SLC16A7: variants seen among roughly 807,000 people sequenced by gnomAD.
SLC16A7 encodes the protein solute carrier family 16 member 7.
A neutral mutation model predicts 34.9 loss-of-function variants in SLC16A7; 33 were observed. The ratio of observed to expected loss-of-function variants is 0.94; its 90% CI spans 0.72 to 1.26. The LOEUF (loss-of-function observed/expected upper bound fraction) is 1.26, where lower values mean the gene tolerates loss of function less well. Among genes scored for constraint, SLC16A7 ranks in the 50% most tolerant of loss-of-function variants. The probability of loss-of-function intolerance (pLI) is 0.00; values close to 1 mark genes in which losing one functional copy is unlikely to be tolerated. For missense variants in SLC16A7, 573 were observed against 578.1 expected (o/e 0.99, Z 0.09); for synonymous variants, 201 against 206.6 (o/e 0.97, Z 0.23).
In SLC16A7 at chr12:59,698,893, C is replaced by T. The variant is rs149661291; in HGVS notation, c.-30-5879C>T. ...CGATTGTGAAAATATTTAGCAATAC[C>T]TAATGAGTTAGAAGTTGTTTTCTTT... On this transcript the variant is annotated intron_variant, in intron 2 of 5. Transcript: ENST00000547379. Among the ~76,000 whole-genome samples the T allele has an allele frequency of 1.4e-3, 214 of 151,664 alleles. 1 individual carries two copies. Among genetic ancestry groups the T allele is most frequent in the Middle Eastern group, 6.8e-3 (2 of 292 alleles).
intron 3 of SLC16A7, among the ~76,000 whole-genome samples, chr12:59,721,690 C>T (rs540128974): frequency 2.4e-3 from 370 of 151,964 alleles, no homozygotes; most frequent in African/African-American, 8.1e-3. Flanking sequence ...TCTTGTACCC[C>T]TCATCTGAAA....
intron 5 of SLC16A7, among the ~76,000 whole-genome samples, chr12:59,775,983 C>G (rs1882720751): frequency 6.6e-6 from 1 of 152,004 alleles, no homozygotes; most frequent in Admixed American, 6.6e-5. Context: ...TGTATCTATT[C>G]CATATAGAGA....
intron 3 of SLC16A7, among the ~76,000 whole-genome samples, chr12:59,732,398 C>T (rs372592044): frequency 2.0e-5 from 3 of 151,980 alleles, no homozygotes; most frequent in South Asian, 4.2e-4. Context: ...CCAGCCTGGG[C>T]GACAAGAGCA....
chr12:59,612,321 T>G (rs1231762852), intron 1 of SLC16A7, among the ~76,000 whole-genome samples: 1 of 152,164 alleles, frequency 6.6e-6, no homozygotes, highest in African/African-American at 2.4e-5. Flanking sequence ...AAGCAGTGGC[T>G]TGAGCTGTAA....
chr12:59,727,149 GAC>G (rs1330700271), intron 3 of SLC16A7, among the ~76,000 whole-genome samples: 1 of 109,716 alleles, frequency 9.1e-6, no homozygotes, highest in African/African-American at 4.7e-5. Context: ...ATATGAGATG[GAC>G]ATATATATAT....
In SLC16A7 at chr12:59,775,389, T is replaced by C. The variant is rs750152093; in HGVS notation, c.1094T>C (p.Leu365Pro). The C allele has an allele frequency of 1.5e-5, 24 of 1,614,144 alleles. No individual in the cohort carries two copies. Among genetic ancestry groups the C allele is most frequent in the Non-Finnish European group, 2.0e-5 (24 of 1,179,990 alleles). ...SSVLFETLMD[L>P]VGAPRFSSAV... ...GTTCTCTTTGAAACTCTCATGGACC[T>C]CGTGGGTGCACCAAGATTTTCCAGT... Residue 365 changes from leucine to proline, a missense_variant, in exon 5 of 6, where the codon CTC becomes CCC. Transcript: ENST00000547379.
At chr12:59,618,582 G>A (rs1280271805) in intron 1 of SLC16A7, among the ~76,000 whole-genome samples, 2 of 150,656 alleles carry the variant, frequency 1.3e-5, no homozygotes, top group Admixed American at 6.6e-5. Context: ...TAAATATTAT[G>A]GGAAACTAAT....
intron 1 of SLC16A7, among the ~76,000 whole-genome samples, chr12:59,635,301 G>A (rs1316161887): frequency 6.6e-6 from 1 of 151,974 alleles, no homozygotes; most frequent in Non-Finnish European, 1.5e-5. Flanking sequence ...ATTGGAGCTT[G>A]AATTTCTGCC....
intron 3 of SLC16A7, among the ~76,000 whole-genome samples, chr12:59,717,380 A>G (rs553551395): frequency 1.3e-5 from 2 of 152,068 alleles, no homozygotes; most frequent in Non-Finnish European, 2.9e-5. Flanking sequence ...AAATGTATGT[A>G]AAATATCTAC....
At chr12:59,614,532 T>A (rs1046733191) in intron 1 of SLC16A7, among the ~76,000 whole-genome samples, 1 of 152,160 alleles carries the variant, frequency 6.6e-6, no homozygotes, top group Admixed American at 6.5e-5. Flanking sequence ...AAATTATATA[T>A]TCTTTGCCTG....
chr12:59,635,654 G>A (rs890903009), intron 1 of SLC16A7, among the ~76,000 whole-genome samples: 1 of 151,948 alleles, frequency 6.6e-6, no homozygotes, highest in African/African-American at 2.4e-5. Context: ...AAGGAGTTAT[G>A]TTATAATTTC....
At chr12:59,757,935 A>G (rs182558785) in intron 3 of SLC16A7, among the ~76,000 whole-genome samples, 81 of 152,274 alleles carry the variant, frequency 5.3e-4, no homozygotes, top group African/African-American at 1.7e-3. Flanking sequence ...TCTATTATTT[A>G]TGTTATCAGT....
At chr12:59,648,747 T>A (rs1868293357) in intron 1 of SLC16A7, among the ~76,000 whole-genome samples, 1 of 152,078 alleles carries the variant, frequency 6.6e-6, no homozygotes, top group African/African-American at 2.4e-5. Flanking sequence ...AGGGAACTAA[T>A]TGGTAAGTAG....
Position 59,775,321 on chromosome 12 carries a change from A to G in SLC16A7, c.1026A>G (p.Leu342=), listed in dbSNP as rs773491670. The G allele has an allele frequency of 6.2e-7, 1 of 1,614,114 alleles. No individual in the cohort carries two copies. The highest frequency in any genetic ancestry group is 1.1e-5 in the South Asian group (1 of 91,076). The part of the protein sequence containing the change: ...PLAQDYTSLV[L]YAVFFGLGFG... The stretch of plus-strand genomic sequence containing the variant: ...CACAGGACTACACAAGCCTGGTATT[A>G]TATGCTGTATTTTTTGGCCTTGGAT... Residue 342 remains leucine, a synonymous_variant, in exon 5 of 6, where the codon TTA becomes TTG. Coordinates refer to ENST00000547379, the MANE Select transcript of SLC16A7 (RefSeq NM_001270623.2).
intron 2 of SLC16A7, among the ~76,000 whole-genome samples, chr12:59,676,638 TAA>T (rs1870336900): frequency 6.6e-6 from 1 of 152,116 alleles, no homozygotes; most frequent in African/African-American, 2.4e-5. Context: ...TCAATTACTC[TAA>T]GTTATTATAA....
At chr12:59,708,794 C>T (rs1873883657) in intron 3 of SLC16A7, among the ~76,000 whole-genome samples, 1 of 151,536 alleles carries the variant, frequency 6.6e-6, no homozygotes, top group Non-Finnish European at 1.5e-5. Context: ...ATTATCTTCC[C>T]TTCTGATGTC....
chr12:59,696,194 T>TA (rs1213570386), intron 2 of SLC16A7, among the ~76,000 whole-genome samples: 1 of 151,958 alleles, frequency 6.6e-6, no homozygotes, highest in African/African-American at 2.4e-5. Flanking sequence ...TTATACTTTT[T>TA]ATTTTAATTT....
chr12:59,694,039 A>G (rs1204979320), intron 2 of SLC16A7, among the ~76,000 whole-genome samples: 1 of 152,006 alleles, frequency 6.6e-6, no homozygotes, highest in Non-Finnish European at 1.5e-5. Flanking sequence ...AGAAAAATAA[A>G]AAGCTCTAAA....
rs572740237 is a variant in SLC16A7, at chr12:59,785,930, C to T, written c.*6251C>T. ...AATCATCATTCTCAGTAAACTATCGCAAGAACAAAAAACCAAACACCGCAT... is the reference window on the plus strand; with the variant it reads ...AATCATCATTCTCAGTAAACTATCGTAAGAACAAAAAACCAAACACCGCAT... On this transcript the variant is annotated 3_prime_UTR_variant, in exon 6 of 6. Transcript: ENST00000547379. 6.7e-6 allele frequency: 1 copy of T among 149,714 alleles called. No homozygotes were observed. Among genetic ancestry groups the T allele is most frequent in the African/African-American group, 2.5e-5 (1 of 40,692 alleles). 9.3% of individuals were successfully genotyped at this position (149,714 alleles called of 1,614,324 possible). A position where few individuals can be genotyped will look rare whatever the true frequency, so the allele number is the denominator to read the frequency against.
Sources: allele counts gnomAD v4.1 joint callset (sites outside exome capture counted in the v4.1 genomes callset), GRCh38; gene constraint gnomAD v4.1.1; transcripts MANE v1.5; gene names NCBI Gene and HGNC (gene_info 2026-07-23, HGNC 2026-07-21).